Variants in CSMD1 observed in about 807,000 individuals in gnomAD.
CSMD1 encodes the protein CUB and Sushi multiple domains 1.
A neutral mutation model predicts 417.5 loss-of-function variants in CSMD1; 213 were observed. The ratio of observed to expected loss-of-function variants is 0.51; its 90% CI spans 0.46 to 0.57. The LOEUF (loss-of-function observed/expected upper bound fraction) is 0.57, where lower values mean the gene tolerates loss of function less well. Among genes scored for constraint, CSMD1 ranks in the 20% least tolerant of loss-of-function variants. The probability of loss-of-function intolerance (pLI) is 0.00; values close to 1 mark genes in which losing one functional copy is unlikely to be tolerated. For synonymous variants in CSMD1, 2,862 were observed against 1,736.8 expected (o/e 1.65, Z -16.11); for missense variants, 6,923 against 4,529.7 (o/e 1.53, Z -15.17).
intron 3 of CSMD1, among the ~76,000 whole-genome samples, chr8:4,073,774 A>C (rs998451854): frequency 5.3e-5 from 8 of 152,106 alleles, no homozygotes; most frequent in African/African-American, 1.9e-4. Context: ...AAATGAACCC[A>C]AATACAAAAT....
chr8:4,434,692 A>G (rs1798053491), intron 2 of CSMD1, among the ~76,000 whole-genome samples: 1 of 152,186 alleles, frequency 6.6e-6, no homozygotes, highest in African/African-American at 2.4e-5. Flanking sequence ...AGGAACAAAG[A>G]GTAACAAATG....
At chr8:3,139,715 G>T (rs1472997489) in intron 41 of CSMD1, among the ~76,000 whole-genome samples, 2 of 152,150 alleles carry the variant, frequency 1.3e-5, no homozygotes, top group South Asian at 2.1e-4. Context: ...GTATGTGTGT[G>T]TGTCGATGTG....
intron 2 of CSMD1, among the ~76,000 whole-genome samples, chr8:4,455,144 A>C (rs1459142628): frequency 6.6e-6 from 1 of 152,230 alleles, no homozygotes; most frequent in Non-Finnish European, 1.5e-5. Context: ...GGATTTGGAC[A>C]ACAGCCAAAA....
intron 5 of CSMD1, among the ~76,000 whole-genome samples, chr8:3,887,308 G>A (rs1309999892): frequency 6.6e-6 from 1 of 152,146 alleles, no homozygotes; most frequent in Non-Finnish European, 1.5e-5. Context: ...TCCCCCCATC[G>A]CCAGGTGATA....
chr8:3,442,504 T>G (rs531162148), intron 12 of CSMD1, among the ~76,000 whole-genome samples: 1 of 152,212 alleles, frequency 6.6e-6, no homozygotes, highest in Non-Finnish European at 1.5e-5. Context: ...GATACACAAA[T>G]GTTACTTCTT....
chr8:4,650,294 T>A lies in CSMD1; in HGVS notation c.86-12736A>T, dbSNP rs2724993. On this transcript the variant is annotated intron_variant, in intron 1 of 69. Transcript: ENST00000635120. The stretch of plus-strand genomic sequence containing the variant: ...CGGGAGGCGGAGCTTGCAGTGAGCC[T>A]AGATGGTGCCACTGCACTCCAGCCT... Among the ~76,000 whole-genome samples, 89 of 146,064 alleles carry A rather than the reference T, an allele frequency of 6.1e-4. No homozygotes were observed. The South Asian group carries it at 0.018, about 30-fold the overall frequency.
At chr8:4,829,269 T>C (rs1166094992) in intron 1 of CSMD1, among the ~76,000 whole-genome samples, 1 of 152,114 alleles carries the variant, frequency 6.6e-6, no homozygotes, top group African/African-American at 2.4e-5. Context: ...TCAGTTAGAG[T>C]TTGACAATAT....
At position 4,760,102 on chromosome 8, in the gene CSMD1, T is replaced by A. The variant is rs185784663; in HGVS notation, c.86-122544A>T. ...TTTCTAGACTTTTTAATAAGCATCA[T>A]TCTGACTGGCATGAGATCTAAGCAT... On this transcript the variant is annotated intron_variant, in intron 1 of 69. Coordinates refer to ENST00000635120, the MANE Select transcript of CSMD1 (RefSeq NM_033225.6). Among the ~76,000 whole-genome samples, 622 of 152,266 alleles carry A rather than the reference T, an allele frequency of 4.1e-3. 7 individuals are homozygous for A. The highest frequency in any genetic ancestry group is 0.017 in the Middle Eastern group (5 of 294).
At chr8:4,541,772 C>T (rs1042734500) in intron 2 of CSMD1, among the ~76,000 whole-genome samples, 4 of 151,940 alleles carry the variant, frequency 2.6e-5, no homozygotes, top group African/African-American at 7.3e-5. Flanking sequence ...AAAAGAATCA[C>T]TCTTATATCA....
At chr8:4,868,935 A>G (rs1163446747) in intron 1 of CSMD1, among the ~76,000 whole-genome samples, 1 of 152,082 alleles carries the variant, frequency 6.6e-6, no homozygotes. Flanking sequence ...GTGTGTAGTT[A>G]TAGGTATAGA....
In CSMD1 at chr8:3,747,361, T is replaced by C. The variant is rs542187840; in HGVS notation, c.931+6569A>G. On this transcript the variant is annotated intron_variant, in intron 6 of 69. Coordinates refer to ENST00000635120, the MANE Select transcript of CSMD1 (RefSeq NM_033225.6). ...ATCCATCATTTTCTTTGGAAGAGAT[T>C]GTTCTGATCATCTTTGAAAACACTT... 1.3e-3 allele frequency among the ~76,000 whole-genome samples: 187 copies of C among 148,930 alleles called. 2 individuals are homozygous for C. The highest frequency in any genetic ancestry group is 1.4e-3 in the Non-Finnish European group (97 of 67,390).
intron 3 of CSMD1, among the ~76,000 whole-genome samples, chr8:4,333,291 G>T (rs1289235726): frequency 6.6e-6 from 1 of 152,102 alleles, no homozygotes; most frequent in Non-Finnish European, 1.5e-5. Context: ...TCACCTGAAA[G>T]AAGCGTCTCA....
In CSMD1 at chr8:3,284,276, T is replaced by A; in HGVS notation, c.4021A>T (p.Ser1341Cys). 1 of 1,613,952 alleles carries A rather than the reference T, an allele frequency of 6.2e-7. No individual in the cohort carries two copies. The highest frequency in any genetic ancestry group is 8.5e-7 in the Non-Finnish European group (1 of 1,179,868). The change falls in exon 26 of 70, where the codon AGT becomes TGT. Residue 1341 changes from serine (S) to cysteine (C), a missense_variant. Coordinates refer to ENST00000635120, the MANE Select transcript of CSMD1 (RefSeq NM_033225.6). ...ILKVWDGPVD[S>C]DILLKEWSGS... ...CTCCACTCCTTCAGCAGGATGTCAC[T>A]GTCCACCGGCCCGTCCCAGACCTTG...
chr8:4,406,715 T>G (rs1466206160), intron 3 of CSMD1, among the ~76,000 whole-genome samples: 1 of 152,182 alleles, frequency 6.6e-6, no homozygotes, highest in Non-Finnish European at 1.5e-5. Context: ...AAGCTTGTGA[T>G]GTCCAAATGA....
chr8:3,397,501 G>A (rs1279928155), intron 16 of CSMD1, among the ~76,000 whole-genome samples: 1 of 152,150 alleles, frequency 6.6e-6, no homozygotes, highest in Non-Finnish European at 1.5e-5. Context: ...TCCATAAAGA[G>A]GAATTTGAAC....
intron 3 of CSMD1, among the ~76,000 whole-genome samples, chr8:4,134,725 A>G (rs1291272500): frequency 2.0e-5 from 3 of 152,140 alleles, no homozygotes; most frequent in Non-Finnish European, 4.4e-5. Flanking sequence ...TCTTACTACA[A>G]GAGTCTCCTC....
intron 3 of CSMD1, among the ~76,000 whole-genome samples, chr8:4,287,663 T>TATTATTATC (rs1198407163): frequency 6.7e-6 from 1 of 149,252 alleles, no homozygotes; most frequent in Non-Finnish European, 1.5e-5. Flanking sequence ...GTGGTATTAT[T>TATTATTATC]ATTATTATTA....
At chr8:3,561,686 G>A (rs563733200) in intron 10 of CSMD1, among the ~76,000 whole-genome samples, 1 of 152,286 alleles carries the variant, frequency 6.6e-6, no homozygotes, top group East Asian at 1.9e-4. Context: ...CTGATATTCA[G>A]GTGATGGGTG....
At chr8:4,279,414 A>C (rs143652976) in intron 3 of CSMD1, among the ~76,000 whole-genome samples, 458 of 152,300 alleles carry the variant, frequency 3.0e-3, no homozygotes, top group Non-Finnish European at 4.8e-3. Context: ...ATTAAATGTG[A>C]ATTTTTGGCA....
Sources: allele counts gnomAD v4.1 joint callset (sites outside exome capture counted in the v4.1 genomes callset), GRCh38; gene constraint gnomAD v4.1.1; transcripts MANE v1.5; gene names NCBI Gene and HGNC (gene_info 2026-07-23, HGNC 2026-07-21).